Variants in ELOVL6 observed in about 807,000 individuals in gnomAD.
The protein encoded by ELOVL6 is very long chain fatty acid elongase 6.
ELOVL6 carries 8 observed loss-of-function variants against 31.7 expected under a neutral mutation model. The observed-to-expected ratio is 0.25, with a 90% CI of 0.15 to 0.45. ELOVL6 has a LOEUF of 0.45. Among genes scored for constraint, ELOVL6 ranks in the 20% least tolerant of loss-of-function variants. The probability of loss-of-function intolerance (pLI) is 1.00; values close to 1 mark genes in which losing one functional copy is unlikely to be tolerated. For missense variants in ELOVL6, 126 were observed against 326.4 expected (o/e 0.39, Z 4.73); for synonymous variants, 101 against 117.7 (o/e 0.86, Z 0.92).
chr4:110,127,072 G>A lies in ELOVL6; in HGVS notation c.90-21444C>T, dbSNP rs565996034. On this transcript the variant is annotated intron_variant, in intron 1 of 3. Coordinates refer to ENST00000302274, the MANE Select transcript of ELOVL6 (RefSeq NM_024090.3). ...CCATCTCTCCTACTCTACACTAAGA[G>A]ACACAGGATATATGTACCGTTGTTG... 1.8e-3 allele frequency among the ~76,000 whole-genome samples: 273 copies of A among 152,130 alleles called. 1 individual carries two copies. Among genetic ancestry groups the A allele is most frequent in the African/African-American group, 6.2e-3 (258 of 41,508 alleles).
At chr4:110,115,834 A>T (rs1465310513) in intron 1 of ELOVL6, among the ~76,000 whole-genome samples, 1 of 152,210 alleles carries the variant, frequency 6.6e-6, no homozygotes, top group East Asian at 1.9e-4. Flanking sequence ...CTAAAATCAA[A>T]GAGTCACCAG....
chr4:110,148,423 T>G (rs1158311441), intron 1 of ELOVL6, among the ~76,000 whole-genome samples: 2 of 145,874 alleles, frequency 1.4e-5, no homozygotes, highest in Admixed American at 1.4e-4. Flanking sequence ...ATTTGTACAA[T>G]CTAAACAGTT....
intron 2 of ELOVL6, among the ~76,000 whole-genome samples, chr4:110,084,306 C>T (rs1490042893): frequency 1.3e-5 from 1 of 79,236 alleles, no homozygotes; most frequent in Non-Finnish European, 2.1e-5. Flanking sequence ...TGATATATAA[C>T]ATATAACATA....
intron 1 of ELOVL6, among the ~76,000 whole-genome samples, chr4:110,191,062 G>A (rs918384766): frequency 1.3e-5 from 2 of 151,792 alleles, no homozygotes; most frequent in South Asian, 4.2e-4. Context: ...CAAGTGATCC[G>A]CCTGCCTCGG....
At chr4:110,116,390 A>G (rs1378689659) in intron 1 of ELOVL6, among the ~76,000 whole-genome samples, 1 of 152,122 alleles carries the variant, frequency 6.6e-6, no homozygotes, top group African/African-American at 2.4e-5. Flanking sequence ...CCCTCTACTC[A>G]AGAAAGCATT....
chr4:110,190,527 C>T (rs548561803), intron 1 of ELOVL6, among the ~76,000 whole-genome samples: 30 of 152,162 alleles, frequency 2.0e-4, no homozygotes, highest in Non-Finnish European at 3.4e-4. Context: ...TGTTTTGAGA[C>T]GGAGTCTCAC....
At position 110,046,107 on chromosome 4, in the gene ELOVL6, A is replaced by T. The variant is rs1754692537; in HGVS notation, c.*5231T>A. The T allele has an allele frequency of 6.6e-6, 1 of 152,154 alleles. No homozygotes were observed. Among genetic ancestry groups the T allele is most frequent in the South Asian group, 2.1e-4 (1 of 4,824 alleles). 9.4% of individuals were successfully genotyped at this position (152,154 alleles called of 1,614,324 possible). A position where few individuals can be genotyped will look rare whatever the true frequency, so the allele number is the denominator to read the frequency against. Reference sequence around the variant, plus strand: ...GTCTAGACAGGCAGACCTGTTTGAAACGAGTATGACCAGGGAGGACTGTTA... The same window carrying T: ...GTCTAGACAGGCAGACCTGTTTGAATCGAGTATGACCAGGGAGGACTGTTA... On this transcript the variant is annotated 3_prime_UTR_variant, in exon 4 of 4. Transcript: ENST00000302274.
chr4:110,088,819 G>A (rs1216503909), intron 2 of ELOVL6, among the ~76,000 whole-genome samples: 2 of 152,202 alleles, frequency 1.3e-5, no homozygotes, highest in African/African-American at 4.8e-5. Context: ...AAGGATTCAT[G>A]TCCTGAGAGG....
intron 1 of ELOVL6, among the ~76,000 whole-genome samples, chr4:110,173,622 G>A (rs951951716): frequency 8.2e-5 from 12 of 146,810 alleles, no homozygotes; most frequent in Non-Finnish European, 1.6e-4. Flanking sequence ...TTTAATAACA[G>A]GGCAAAGTAA....
chr4:110,084,175 GAT>G lies in ELOVL6; in HGVS notation c.221+21320_221+21321del, dbSNP rs1339478892. Among the ~76,000 whole-genome samples the G allele has an allele frequency of 5.2e-4, 47 of 91,202 alleles. 4 individuals carry two copies. The East Asian group carries it at 5.9e-3, about 11-fold the overall frequency. 59.8% of individuals were successfully genotyped at this position (91,202 alleles called of 152,430 possible). On this transcript the variant is annotated intron_variant, in intron 2 of 3. Coordinates refer to ENST00000302274, the MANE Select transcript of ELOVL6 (RefSeq NM_024090.3). The stretch of plus-strand genomic sequence containing the variant: ...TATATAACATATATGTGATATATAT[GAT>G]ATATATAACATATAACTTATATGAT...
rs1345828411 is a variant in ELOVL6, at chr4:110,051,234, T to C, written c.*104A>G. ...CTTGGGTTTTGTGTTTGCTCATGTT[T>C]TGTTTTGTTTTAGCTGCACCACGTG... is the stretch of plus-strand genomic sequence containing the variant. On this transcript the variant is annotated 3_prime_UTR_variant, in exon 4 of 4. Coordinates refer to ENST00000302274, the MANE Select transcript of ELOVL6 (RefSeq NM_024090.3). The surrounding 1 kb of genome is among the most constrained non-coding windows in gnomAD (Gnocchi z 4.8). The C allele has an allele frequency of 8.2e-6, 10 of 1,214,820 alleles. No homozygotes were observed. In the African/African-American group the frequency reaches 1.5e-4, roughly 18 times the overall value. 75.3% of individuals were successfully genotyped at this position (1,214,820 alleles called of 1,614,324 possible). A position where few individuals can be genotyped will look rare whatever the true frequency, so the allele number is the denominator to read the frequency against.
intron 1 of ELOVL6, among the ~76,000 whole-genome samples, chr4:110,194,816 T>G (rs1000572455): frequency 2.0e-5 from 3 of 152,250 alleles, no homozygotes; most frequent in African/African-American, 7.2e-5. Context: ...GGCAAAATAC[T>G]ACTCCTGGCC....
At chr4:110,161,395 C>T (rs1331738469) in intron 1 of ELOVL6, among the ~76,000 whole-genome samples, 2 of 152,004 alleles carry the variant, frequency 1.3e-5, no homozygotes, top group Non-Finnish European at 2.9e-5. Flanking sequence ...AAAATTTAAC[C>T]CCAAGTCTAT....
intron 1 of ELOVL6, among the ~76,000 whole-genome samples, chr4:110,185,224 T>C (rs1003306766): frequency 1.3e-5 from 2 of 152,240 alleles, no homozygotes; most frequent in African/African-American, 4.8e-5. Context: ...AAAAAGTATT[T>C]TTGTTAATAT....
At chr4:110,164,691 T>G (rs890656680) in intron 1 of ELOVL6, among the ~76,000 whole-genome samples, 1 of 140,002 alleles carries the variant, frequency 7.1e-6, no homozygotes, top group African/African-American at 2.8e-5. Context: ...CAATGAGCCA[T>G]GATCACGCCA....
chr4:110,122,537 T>C (rs1757383544), intron 1 of ELOVL6, among the ~76,000 whole-genome samples: 1 of 152,162 alleles, frequency 6.6e-6, no homozygotes, highest in African/African-American at 2.4e-5. Context: ...TCACCACACC[T>C]GGCTAATTTT....
intron 2 of ELOVL6, among the ~76,000 whole-genome samples, chr4:110,084,369 G>GATATATATCGC (rs1344985460): frequency 0.13 from 4,578 of 34,476 alleles, 550 homozygotes; most frequent in African/African-American, 0.22. Flanking sequence ...CCGCATATAT[G>GATATATATCGC]ATATATGATA....
intron 1 of ELOVL6, among the ~76,000 whole-genome samples, chr4:110,192,192 G>GAAAA (rs34396636): frequency 4.8e-5 from 5 of 103,968 alleles, no homozygotes; most frequent in South Asian, 3.2e-4. Context: ...CTCCATCCAA[G>GAAAA]AAAAAAAAAA....
intron 2 of ELOVL6, among the ~76,000 whole-genome samples, chr4:110,060,887 C>G (rs568064239): frequency 1.3e-5 from 2 of 152,336 alleles, no homozygotes; most frequent in South Asian, 4.1e-4. Flanking sequence ...CTTAAAATAT[C>G]TTAGAGTTGC....
Sources: gnomAD v4.1 joint callset for allele counts (sites outside exome capture counted in the v4.1 genomes callset) on GRCh38, gnomAD v4.1.1 for gene constraint, Gnocchi (gnomAD v3.1) non-coding constraint, MANE v1.5 for transcripts, NCBI Gene and HGNC (gene_info 2026-07-23, HGNC 2026-07-21) for gene names.